Variants in EFCAB6 observed in about 807,000 individuals in gnomAD.
EFCAB6 encodes EF-hand calcium binding domain 6, also known as EF-hand calcium-binding domain-containing protein 6.
In EFCAB6, 156 loss-of-function variants were observed where a neutral mutation model predicts 169.8. That is an observed-to-expected ratio of 0.92 (90% confidence interval 0.81 to 1.05). The LOEUF is 1.05. Ranked by LOEUF, EFCAB6 falls within the 50% of genes least tolerant of loss-of-function variation. The probability of loss-of-function intolerance (pLI) is 0.00; values close to 1 mark genes in which losing one functional copy is unlikely to be tolerated. For missense variants in EFCAB6, 1,800 were observed against 1,829.1 expected (o/e 0.98, Z 0.29); for synonymous variants, 698 against 676.4 (o/e 1.03, Z -0.50).
chr22:43,544,505 T>C (rs57377177), intron 27 of EFCAB6, among the ~76,000 whole-genome samples: 3 of 152,186 alleles, frequency 2.0e-5, no homozygotes, highest in East Asian at 3.9e-4. Flanking sequence ...GGTGATCAGC[T>C]CTTCTGGTCT....
chr22:43,587,578 C>G (rs573887243), intron 24 of EFCAB6, among the ~76,000 whole-genome samples: 2 of 152,272 alleles, frequency 1.3e-5, no homozygotes, highest in East Asian at 3.9e-4. Context: ...GGTCACATGG[C>G]CTTCTCTTTG....
chr22:43,618,210 G>GAAAGAA (rs2053866411), intron 20 of EFCAB6, among the ~76,000 whole-genome samples: 1 of 141,002 alleles, frequency 7.1e-6, no homozygotes, highest in South Asian at 2.4e-4. Context: ...AAGAAAGAAA[G>GAAAGAA]AAAGAAAGAA....
At chr22:43,659,575 G>A (rs2056907882) in intron 17 of EFCAB6, among the ~76,000 whole-genome samples, 1 of 152,046 alleles carries the variant, frequency 6.6e-6, no homozygotes, top group Non-Finnish European at 1.5e-5. Flanking sequence ...TGGCAGGACT[G>A]CTTGAGCCTG....
chr22:43,778,799 G>A (rs2061718897), intron 3 of EFCAB6, among the ~76,000 whole-genome samples: 1 of 152,202 alleles, frequency 6.6e-6, no homozygotes, highest in South Asian at 2.1e-4. Flanking sequence ...CACCTCGCTA[G>A]AAACCTGAGA....
At chr22:43,674,268 A>G (rs951166923) in intron 13 of EFCAB6, among the ~76,000 whole-genome samples, 2 of 152,182 alleles carry the variant, frequency 1.3e-5, no homozygotes, top group Non-Finnish European at 2.9e-5. Context: ...CAATTCCTTC[A>G]TTCATGTTTA....
At chr22:43,701,525 T>A (rs1048437785) in intron 10 of EFCAB6, among the ~76,000 whole-genome samples, 2 of 152,020 alleles carry the variant, frequency 1.3e-5, no homozygotes, top group Non-Finnish European at 2.9e-5. Context: ...AAATTTAGAT[T>A]GATGAAACAG....
rs144819984 is a variant in EFCAB6 at position 43,575,844 on chromosome 22, T to C, written c.3420+453A>G. On this transcript the variant is annotated intron_variant, in intron 26 of 31. Coordinates refer to ENST00000262726, the MANE Select transcript of EFCAB6 (RefSeq NM_022785.4). The stretch of plus-strand genomic sequence containing the variant: ...GGGGATAGTAACAGCTTGTATCTCA[T>C]AGTGACCTCAACATGATTACACATG... Among the ~76,000 whole-genome samples, 1,316 of 152,306 alleles carry C rather than the reference T, an allele frequency of 8.6e-3. 11 individuals are homozygous for C. The highest frequency in any genetic ancestry group is 0.014 in the Non-Finnish European group (964 of 68,026).
At chr22:43,671,898 C>T in intron 15 of EFCAB6, 75 bp downstream of exon 15, 4 of 1,526,566 alleles carry the variant, frequency 2.6e-6, no homozygotes, top group Non-Finnish European at 3.5e-6. Context: ...CAAAAACACA[C>T]AGAAAAGGTT....
rs80080082 is a variant in EFCAB6, at chr22:43,540,868, G to A, written c.3649-511C>T. Among the ~76,000 whole-genome samples the A allele has an allele frequency of 1.9e-3, 295 of 152,256 alleles. 1 individual carries two copies. Among genetic ancestry groups the A allele is most frequent in the African/African-American group, 6.5e-3 (272 of 41,544 alleles). On this transcript the variant is annotated intron_variant, in intron 27 of 31. Coordinates refer to ENST00000262726, the MANE Select transcript of EFCAB6 (RefSeq NM_022785.4). Reference sequence around the variant, plus strand: ...AAGGGCAAAAAATGTCTTCTCACAAGATGAAAAGGGAGGCATTTGGAAAAC... The same window carrying A: ...AAGGGCAAAAAATGTCTTCTCACAAAATGAAAAGGGAGGCATTTGGAAAAC...
chr22:43,659,761 T>G (rs1042830901), intron 17 of EFCAB6, among the ~76,000 whole-genome samples: 2 of 152,132 alleles, frequency 1.3e-5, no homozygotes, highest in Admixed American at 6.5e-5. Context: ...TGTGGGGAAT[T>G]CATGGTAGTG....
chr22:43,669,153 C>T (rs565866301), intron 15 of EFCAB6, 108 bp from the exon 16 acceptor site: 13 of 995,530 alleles, frequency 1.3e-5, no homozygotes, highest in Non-Finnish European at 1.8e-5. Context: ...CTTTCATCCA[C>T]TGCTGGTGGG....
intron 2 of EFCAB6, among the ~76,000 whole-genome samples, chr22:43,782,830 G>C (rs73422413): frequency 0.15 from 22,925 of 152,084 alleles, 1,759 homozygotes; most frequent in South Asian, 0.22. Flanking sequence ...TTAACCAAAG[G>C]CTTACAGCAA....
Position 43,721,895 on chromosome 22 carries a change from G to A in EFCAB6, c.758-4923C>T, listed in dbSNP as rs551245023. ...AACAAAAATAAAAATGGATAAGTGG[G>A]GCCTTCTTAAACTAAAGAACTTTTC... On this transcript the variant is annotated intron_variant, in intron 8 of 31. Coordinates refer to ENST00000262726, the MANE Select transcript of EFCAB6 (RefSeq NM_022785.4). 3.3e-5 allele frequency among the ~76,000 whole-genome samples: 5 copies of A among 152,058 alleles called. No individual in the cohort carries two copies. In the South Asian group the frequency reaches 8.3e-4, roughly 25 times the overall value.
intron 26 of EFCAB6, 48 bp from the exon 27 acceptor site, chr22:43,555,144 A>T: frequency 1.9e-6 from 3 of 1,596,908 alleles, no homozygotes; most frequent in Non-Finnish European, 2.6e-6. Flanking sequence ...ATAATCGACC[A>T]CCTCTTGCTC....
intron 21 of EFCAB6, among the ~76,000 whole-genome samples, chr22:43,613,461 G>T (rs1188635027): frequency 6.6e-6 from 1 of 152,100 alleles, no homozygotes; most frequent in Admixed American, 6.6e-5. Context: ...TCCTTTGCAG[G>T]AACATGAATG....
At chr22:43,658,174 G>A (rs2056837386) in intron 17 of EFCAB6, among the ~76,000 whole-genome samples, 1 of 152,140 alleles carries the variant, frequency 6.6e-6, no homozygotes, top group African/African-American at 2.4e-5. Flanking sequence ...GGAGTTTGCA[G>A]TGAGTAGAGA....
intron 22 of EFCAB6, among the ~76,000 whole-genome samples, chr22:43,601,849 C>T (rs893676696): frequency 6.6e-6 from 1 of 152,216 alleles, no homozygotes; most frequent in Admixed American, 6.5e-5. Flanking sequence ...CACAGGTGCC[C>T]CTGAGGGCTC....
intron 10 of EFCAB6, among the ~76,000 whole-genome samples, chr22:43,689,244 A>T (rs745476584): frequency 1.3e-5 from 2 of 151,936 alleles, no homozygotes; most frequent in Non-Finnish European, 2.9e-5. Flanking sequence ...GGTTGGTTGG[A>T]TGGCTTGCTC....
intron 17 of EFCAB6, among the ~76,000 whole-genome samples, chr22:43,666,777 G>A (rs2057280908): frequency 2.8e-5 from 4 of 145,110 alleles, no homozygotes; most frequent in Non-Finnish European, 3.0e-5. Flanking sequence ...GGCAGGGGCC[G>A]AGTGGCTTTG....
Sources: gnomAD v4.1 joint callset for allele counts (sites outside exome capture counted in the v4.1 genomes callset) on GRCh38, gnomAD v4.1.1 for gene constraint, MANE v1.5 for transcripts, NCBI Gene and HGNC (gene_info 2026-07-23, HGNC 2026-07-21) for gene names.